The following LRP8 variants were observed in gnomAD, a reference collection of about 807,000 sequenced individuals.
LRP8 encodes low-density lipoprotein receptor-related protein 8.
In LRP8, 46 loss-of-function variants were observed where a neutral mutation model predicts 111.6. The observed-to-expected ratio is 0.41, with a 90% CI of 0.33 to 0.53. The LOEUF is 0.53. LRP8 is among the 20% of genes least tolerant of loss of function. The pLI is 0.20. For missense variants in LRP8, 959 were observed against 1,297.4 expected (o/e 0.74, Z 4.01); for synonymous variants, 464 against 511.2 (o/e 0.91, Z 1.24).
rs565981201 is a variant in LRP8, at chr1:53,263,669, C to G, written c.1655+500G>C. On this transcript the variant is annotated intron_variant, in intron 10 of 18. Transcript: ENST00000306052. ...TCTTGGTCCTCAAATCTTGCTGGCT[C>G]TCTCACAGGGCAGGGAATAGACATG... Among the ~76,000 whole-genome samples, 55 of 152,298 alleles carry G rather than the reference C, an allele frequency of 3.6e-4. 1 individual carries two copies. The South Asian group carries it at 8.1e-3, about 22-fold the overall frequency.
chr1:53,293,836 T>G lies in LRP8; in HGVS notation c.245-4147A>C, dbSNP rs1169808195. 6.6e-6 allele frequency among the ~76,000 whole-genome samples: 1 copy of G among 152,222 alleles called. No individual in the cohort carries two copies. The highest frequency in any genetic ancestry group is 1.5e-5 in the Non-Finnish European group (1 of 68,032). ...TGGAGTCAGAGTGGAGACTGACTCC[T>G]GGCATAGCCACCTCGGGGTGAACCT... On this transcript the variant is annotated intron_variant, in intron 2 of 18. Transcript: ENST00000306052. The surrounding 1 kb of genome is among the most constrained non-coding windows in gnomAD (Gnocchi z 4.9).
At chr1:53,277,179 C>T (rs188530874) in intron 4 of LRP8, 101 bp from the exon 5 acceptor site, 2 of 1,335,892 alleles carry the variant, frequency 1.5e-6, no homozygotes, top group East Asian at 3.4e-5. Context: ...ACCCGGGGGC[C>T]AGAACAAGTG....
rs758979277 is a variant in LRP8 at position 53,326,948 on chromosome 1, C to T, written c.169G>A (p.Glu57Lys). ...CTCCACACAGAGGGGATGCAGCGCT[C>T]GTTCCGGCACTGGAATTGGTCCTTT... ...CEKDQFQCRN[E>K]RCIPSVWRCD... Residue 57 changes from glutamate to lysine, a missense_variant, in exon 2 of 19, where the codon GAG becomes AAG. By Grantham distance (56) the Glu-to-Lys change is moderately conservative. This residue lies in a region of LRP8 where 97 missense variants were observed against 107.5 expected (regional missense o/e 0.90). Coordinates refer to ENST00000306052, the MANE Select transcript of LRP8 (RefSeq NM_004631.5). The T allele has an allele frequency of 4.6e-5, 75 of 1,613,770 alleles. No individual in the cohort carries two copies. Among genetic ancestry groups the T allele is most frequent in the Non-Finnish European group, 6.1e-5 (72 of 1,180,008 alleles).
intron 2 of LRP8, among the ~76,000 whole-genome samples, chr1:53,318,075 T>C (rs941859390): frequency 6.2e-4 from 94 of 152,228 alleles, no homozygotes; most frequent in Non-Finnish European, 3.1e-4. Flanking sequence ...GCAGGTGGAA[T>C]AAGGACCAAT....
chr1:53,249,601 A>G lies in LRP8; in HGVS notation c.2677-45T>C. The G allele has an allele frequency of 6.5e-7, 1 of 1,531,400 alleles. No individual in the cohort carries two copies. The highest frequency in any genetic ancestry group is 8.8e-7 in the Non-Finnish European group (1 of 1,138,476). 94.9% of individuals were successfully genotyped at this position (1,531,400 alleles called of 1,614,324 possible). A position where few individuals can be genotyped will look rare whatever the true frequency, so the allele number is the denominator to read the frequency against. ...GTGGATGACCTCTGAGGTCACACTC[A>G]GCCCCCTGACTGTGCTGTATAACAG... On this transcript the variant is annotated intron_variant, in intron 17 of 18. Transcript: ENST00000306052. The surrounding 1 kb of genome is among the most constrained non-coding windows in gnomAD (Gnocchi z 4.1).
Position 53,277,120 on chromosome 1 carries a change from C to G in LRP8, c.497-42G>C, listed in dbSNP as rs537138694. Reference sequence around the variant, plus strand: ...GCCGGTCGGCCCGCCGACCCCCTCCCCGGCCGACCTGGGGCCCCGCTGGTC... The same window carrying G: ...GCCGGTCGGCCCGCCGACCCCCTCCGCGGCCGACCTGGGGCCCCGCTGGTC... On this transcript the variant is annotated intron_variant, in intron 4 of 18. Transcript: ENST00000306052. The G allele has an allele frequency of 4.2e-4, 599 of 1,417,522 alleles. 1 individual carries two copies. In the African/African-American group the frequency reaches 8.4e-3, roughly 20 times the overall value. 87.8% of individuals were successfully genotyped at this position (1,417,522 alleles called of 1,614,324 possible).
intron 3 of LRP8, among the ~76,000 whole-genome samples, chr1:53,287,540 T>G (rs937053270): frequency 6.6e-6 from 1 of 152,208 alleles, no homozygotes; most frequent in African/African-American, 2.4e-5. Context: ...ACAGGAGAGC[T>G]GGGCTTCTGT....
chr1:53,261,328 G>C (rs1646331732), intron 12 of LRP8, among the ~76,000 whole-genome samples: 1 of 152,208 alleles, frequency 6.6e-6, no homozygotes, highest in Admixed American at 6.5e-5. Context: ...CAACACACCT[G>C]TCCTTTAAAG....
At chr1:53,272,611 C>T (rs1646794114) in intron 6 of LRP8, 2 of 1,289,748 alleles carry the variant, frequency 1.6e-6, no homozygotes, top group Admixed American at 2.3e-5. Context: ...TACCCCTGGG[C>T]CTCCTCCTGT....
chr1:53,327,055 C>G, intron 1 of LRP8, 63 bp from the exon 2 acceptor site: 1 of 1,582,330 alleles, frequency 6.3e-7, no homozygotes, highest in Non-Finnish European at 8.6e-7. Flanking sequence ...ACCATGCAGT[C>G]CGGGCCACCC....
chr1:53,306,581 T>C (rs1290512750), intron 2 of LRP8, among the ~76,000 whole-genome samples: 2 of 151,930 alleles, frequency 1.3e-5, no homozygotes, highest in African/African-American at 4.8e-5. Flanking sequence ...AGTTGAGGGG[T>C]TGGATCCCAC....
chr1:53,292,360 G>A (rs1035588537), intron 2 of LRP8, among the ~76,000 whole-genome samples: 1 of 152,184 alleles, frequency 6.6e-6, no homozygotes, highest in African/African-American at 2.4e-5. Flanking sequence ...AAGGGAAAGG[G>A]GCTGGCTGAG....
chr1:53,309,923 A>G (rs1652685809), intron 2 of LRP8, among the ~76,000 whole-genome samples: 1 of 152,150 alleles, frequency 6.6e-6, no homozygotes, highest in South Asian at 2.1e-4. Flanking sequence ...AGCAGCAGAA[A>G]GGAAGCCCAG....
chr1:53,307,147 A>T (rs1211673749), intron 2 of LRP8, among the ~76,000 whole-genome samples: 1 of 152,210 alleles, frequency 6.6e-6, no homozygotes, highest in Non-Finnish European at 1.5e-5. Flanking sequence ...CAGCATAAAG[A>T]TGCCAAAAGC....
At chr1:53,309,172 G>A (rs1463197475) in intron 2 of LRP8, among the ~76,000 whole-genome samples, 2 of 152,184 alleles carry the variant, frequency 1.3e-5, no homozygotes, top group East Asian at 3.8e-4. Flanking sequence ...CTACTTGGGA[G>A]TCTAAGGCAA....
At chr1:53,325,278 C>G (rs749646125) in intron 2 of LRP8, among the ~76,000 whole-genome samples, 1 of 152,264 alleles carries the variant, frequency 6.6e-6, no homozygotes, top group Non-Finnish European at 1.5e-5. Flanking sequence ...TCAGTAGCTG[C>G]TAAGCAGGTA....
chr1:53,285,737 G>A (rs867896878), intron 3 of LRP8, among the ~76,000 whole-genome samples: 3 of 152,254 alleles, frequency 2.0e-5, no homozygotes, highest in Middle Eastern at 3.4e-3. Flanking sequence ...ATGGTCCACC[G>A]CGATGCAGAC....
Position 53,262,501 on chromosome 1 carries a change from C to G in LRP8, c.1719G>C (p.Val573=), listed in dbSNP as rs1475794937. ...TGTCTGACACCAGTGTTTGCCGGTC[C>G]ACACCGTTGAGCCCAGATTTCTCAA... ...AKIEKSGLNG[V]DRQTLVSDNI... is the part of the protein sequence containing the mutation. The change falls in exon 11 of 19, where the codon GTG becomes GTC. Residue 573 remains valine (V), a synonymous_variant. Transcript: ENST00000306052. This position sits in a 1 kb window ranked among gnomAD's most constrained non-coding sequence, Gnocchi z 4.8. 1 of 1,614,192 alleles carries G rather than the reference C, an allele frequency of 6.2e-7. No individual in the cohort carries two copies. Among genetic ancestry groups the G allele is most frequent in the East Asian group, 2.2e-5 (1 of 44,884 alleles).
Position 53,257,365 on chromosome 1 carries a change from T to G in LRP8, c.2309A>C (p.Tyr770Ser). The G allele has an allele frequency of 6.2e-7, 1 of 1,614,096 alleles. No individual in the cohort carries two copies. Among genetic ancestry groups the G allele is most frequent in the Non-Finnish European group, 8.5e-7 (1 of 1,180,002 alleles). The change falls in exon 15 of 19, where the codon TAC (tyrosine) becomes TCC (serine). Residue 770 changes from tyrosine to serine, a missense_variant. Tyr to Ser is a moderately radical substitution (Grantham distance 144). Transcript: ENST00000306052. ...TGGTGTCTCTGTGCTGTGGTTCTGG[T>G]AGGTGGATCTGTGGACGGTGGTCCC... The part of the protein sequence containing the change: ...APGTTVHRST[Y>S]QNHSTETPSL...
Sources: allele counts gnomAD v4.1 joint callset (sites outside exome capture counted in the v4.1 genomes callset), GRCh38; gene constraint gnomAD v4.1.1; regional missense constraint gnomAD v4.1.1; non-coding constraint Gnocchi (gnomAD v3.1); transcripts MANE v1.5; gene names NCBI Gene and HGNC (gene_info 2026-07-23, HGNC 2026-07-21).